OR2V1: variants seen among roughly 807,000 people sequenced by gnomAD.
The protein encoded by OR2V1 is olfactory receptor 2V1.
A neutral mutation model predicts 15.0 loss-of-function variants in OR2V1; 18 were observed. The observed-to-expected ratio is 1.20, with a 90% confidence interval of 0.83 to 1.78. OR2V1 has a LOEUF of 1.78. OR2V1 is among the 40% of genes most tolerant of loss of function. The pLI is 0.00. For missense variants in OR2V1, 359 were observed against 392.9 expected (o/e 0.91, Z 0.73); for synonymous variants, 144 against 146.1 (o/e 0.99, Z 0.10).
chr5:181,126,882 C>T (rs1177571808), intron 3 of OR2V1, among the ~76,000 whole-genome samples: 2 of 152,240 alleles, frequency 1.3e-5, no homozygotes, highest in East Asian at 1.9e-4. Context: ...CTCCCTTGCT[C>T]GCAGAGCTTC....
chr5:181,124,781 A>G lies in OR2V1; in HGVS notation c.524T>C (p.Val175Ala), dbSNP rs147120016. The change falls in exon 4 of 4, where the codon GTG becomes GCG. Residue 175 changes from valine to alanine, a missense_variant. Physicochemically the swap from Val to Ala is moderately conservative, Grantham distance 64 (BLOSUM62 0). Transcript: ENST00000641551. Reference sequence around the variant, plus strand: ...TTGTACCTCACAGAAAAAGTGATCCACGCTCCTTGAGCCACAGTAAGGTAA... The same window carrying G: ...TTGTACCTCACAGAAAAAGTGATCCGCGCTCCTTGAGCCACAGTAAGGTAA... ...MGLPYCGSRSVDHFFCEVQAL... is the reference protein window; with the variant it reads ...MGLPYCGSRSADHFFCEVQAL... 960 of 1,597,642 alleles carry G rather than the reference A, an allele frequency of 6.0e-4. 16 individuals are homozygous for G. The East Asian group carries it at 0.02, about 34-fold the overall frequency.
chr5:181,130,616 A>C (rs1038362504), intron 1 of OR2V1: 1 of 187,292 alleles, frequency 5.3e-6, no homozygotes, highest in Non-Finnish European at 1.1e-5. Flanking sequence ...AGCTGACTTC[A>C]GACCTCAGCT....
intron 3 of OR2V1, among the ~76,000 whole-genome samples, chr5:181,129,182 T>C (rs1414032572): frequency 2.0e-5 from 3 of 152,146 alleles, no homozygotes; most frequent in African/African-American, 7.2e-5. Context: ...CAGTGATCTA[T>C]GTTCACGCCA....
chr5:181,128,056 A>G (rs900318167), intron 3 of OR2V1, among the ~76,000 whole-genome samples: 1 of 151,792 alleles, frequency 6.6e-6, no homozygotes, highest in Non-Finnish European at 1.5e-5. Context: ...GGCTTGTTCC[A>G]CCCGAAGTGG....
intron 3 of OR2V1, among the ~76,000 whole-genome samples, chr5:181,127,422 G>C (rs1487698571): frequency 6.6e-6 from 1 of 152,204 alleles, no homozygotes; most frequent in East Asian, 1.9e-4. Flanking sequence ...TGCTTACAAA[G>C]ACGAGGACCT....
Position 181,123,480 on chromosome 5 carries a change from T to C in OR2V1, c.*877A>G. ...TCGAAGCAGGGAGGGGGCTTCCAGG[T>C]CACAGGTAGGTGAGAGACAAATGGT... On this transcript the variant is annotated 3_prime_UTR_variant, in exon 4 of 4. Transcript: ENST00000641551. 6.2e-6 allele frequency: 1 copy of C among 160,752 alleles called. No homozygotes were observed. Among genetic ancestry groups the C allele is most frequent in the Non-Finnish European group, 1.4e-5 (1 of 73,740 alleles). 10.0% of individuals were successfully genotyped at this position (160,752 alleles called of 1,614,324 possible).
intron 3 of OR2V1, among the ~76,000 whole-genome samples, chr5:181,126,455 CACAGAG>C (rs1561623460): frequency 2.7e-5 from 4 of 147,708 alleles, no homozygotes; most frequent in African/African-American, 1.0e-4. Context: ...CACACACACA[CACAGAG>C]ACACACAGAC....
intron 3 of OR2V1, among the ~76,000 whole-genome samples, chr5:181,126,463 C>T (rs1255304846): frequency 6.6e-6 from 1 of 150,404 alleles, no homozygotes; most frequent in African/African-American, 2.5e-5. Context: ...CACACAGAGA[C>T]ACACAGACAG....
At position 181,123,664 on chromosome 5, in the gene OR2V1, C is replaced by T. The variant is rs1421100156; in HGVS notation, c.*693G>A. ...CCCTTTATCCTCGTGATTTTGGGGG[C>T]CCAAGATATCCTCCTTTCATAACAC... On this transcript the variant is annotated 3_prime_UTR_variant, in exon 4 of 4. Coordinates refer to ENST00000641551, the MANE Select transcript of OR2V1 (RefSeq NM_001258283.2). 1 of 152,162 alleles carries T rather than the reference C, an allele frequency of 6.6e-6. No homozygotes were observed. The highest frequency in any genetic ancestry group is 1.5e-5 in the Non-Finnish European group (1 of 68,046). 9.4% of individuals were successfully genotyped at this position (152,162 alleles called of 1,614,324 possible).
Position 181,124,124 on chromosome 5 carries a change from T to C in OR2V1, c.*233A>G. On this transcript the variant is annotated 3_prime_UTR_variant, in exon 4 of 4. Transcript: ENST00000641551. ...CGTTGCTTCTTCATGGAGCTTTAGA[T>C]TGACACATTGTGATCTTTACAAAAT... The C allele has an allele frequency of 2.5e-6, 1 of 394,866 alleles. No individual in the cohort carries two copies. 24.5% of individuals were successfully genotyped at this position (394,866 alleles called of 1,614,324 possible).
intron 3 of OR2V1, 33 bp from the exon 4 acceptor site, chr5:181,125,358 G>T: frequency 6.7e-7 from 1 of 1,503,000 alleles, no homozygotes; most frequent in Admixed American, 1.8e-5. Context: ...AAGATTGAGT[G>T]ACATGTCTCT....
intron 3 of OR2V1, 103 bp downstream of exon 3, chr5:181,129,417 A>G (rs1762930590): frequency 6.6e-6 from 1 of 151,976 alleles, no homozygotes; most frequent in African/African-American, 2.4e-5. Flanking sequence ...GGGGGTTTCT[A>G]CAGGAGCAAA....
rs547948089 is a variant in OR2V1 at position 181,127,452 on chromosome 5, G to A, written c.-22+2068C>T. ...GGACCTGCTCCACACATGGGCGGCT[G>A]TTTATCTGTAAGGCCTCTGCGTGCA... On this transcript the variant is annotated intron_variant, in intron 3 of 3. Coordinates refer to ENST00000641551, the MANE Select transcript of OR2V1 (RefSeq NM_001258283.2). Among the ~76,000 whole-genome samples, 5 of 152,300 alleles carry A rather than the reference G, an allele frequency of 3.3e-5. No homozygotes were observed. In the East Asian group the frequency reaches 5.8e-4, roughly 18 times the overall value.
In OR2V1 at chr5:181,124,963, G is replaced by C; in HGVS notation, c.342C>G (p.Leu114=). The C allele has an allele frequency of 6.2e-7, 1 of 1,614,080 alleles. No homozygotes were observed. The highest frequency in any genetic ancestry group is 1.3e-5 in the African/African-American group (1 of 75,036). Residue 114 remains leucine, a synonymous_variant, in exon 4 of 4, where the codon CTC becomes CTG. Transcript: ENST00000641551. ...GGTCATAAGCCATGAGTCCCAGCAA[G>C]AGCCCCTCAGATCCCACAAGAGAGA... ...FFVSLVGSEG[L]LLGLMAYDRY...
In OR2V1 at chr5:181,124,372, A is replaced by G. The variant is rs745389829; in HGVS notation, c.933T>C (p.Ile311=). The change falls in exon 4 of 4, where the codon ATT becomes ATC. Residue 311 remains isoleucine (I), a synonymous_variant. Transcript: ENST00000641551. ...ACTCTGGGGTTCAGTGCTGGCTGCC[A>G]ATCCTGCAGCGGTCCAGCCCCTTCC... ...ALRKGLDRCR[I]GSQH The G allele has an allele frequency of 8.9e-6, 14 of 1,580,726 alleles. No homozygotes were observed. The highest frequency in any genetic ancestry group is 5.5e-5 in the Admixed American group (3 of 54,912).
rs761677562 is a variant in OR2V1 at position 181,124,634 on chromosome 5, C to G, written c.671G>C (p.Gly224Ala). ...IIMASYACILGAVLRIRSAQA... is the reference protein window; with the variant it reads ...IIMASYACILAAVLRIRSAQA... Reference sequence around the variant, plus strand: ...AGCAGAGCGTATTCGGAGCACAGCCCCTAGGATGCAAGCATAGGAGGCCAT... The same window carrying G: ...AGCAGAGCGTATTCGGAGCACAGCCGCTAGGATGCAAGCATAGGAGGCCAT... The change falls in exon 4 of 4, where the codon GGG (glycine) becomes GCG (alanine). Residue 224 changes from glycine to alanine, a missense_variant. Physicochemically the swap from Gly to Ala is moderately conservative, Grantham distance 60. Transcript: ENST00000641551. 1 of 1,613,662 alleles carries G rather than the reference C, an allele frequency of 6.2e-7. No homozygotes were observed.
chr5:181,130,280 G>A (rs994198039), intron 1 of OR2V1, 65 bp from the exon 2 acceptor site: 195 of 398,906 alleles, frequency 4.9e-4, no homozygotes, highest in Middle Eastern at 6.3e-4. Flanking sequence ...CCACTGGGTC[G>A]GGGGACAGGA....
In OR2V1 at chr5:181,123,471, G is replaced by A; in HGVS notation, c.*886C>T. On this transcript the variant is annotated 3_prime_UTR_variant, in exon 4 of 4. Transcript: ENST00000641551. ...GGGGACAGCTCGAAGCAGGGAGGGG[G>A]CTTCCAGGTCACAGGTAGGTGAGAG... The A allele has an allele frequency of 6.2e-6, 1 of 160,712 alleles. No individual in the cohort carries two copies. 10.0% of individuals were successfully genotyped at this position (160,712 alleles called of 1,614,324 possible).
At chr5:181,127,560 C>T (rs926373327) in intron 3 of OR2V1, among the ~76,000 whole-genome samples, 8 of 152,096 alleles carry the variant, frequency 5.3e-5, no homozygotes, top group Middle Eastern at 3.2e-3. Flanking sequence ...GCCAGGACCC[C>T]GGGGAATTTC....
Sources: gnomAD v4.1 joint callset for allele counts (sites outside exome capture counted in the v4.1 genomes callset) on GRCh38, gnomAD v4.1.1 for gene constraint, MANE v1.5 for transcripts, NCBI Gene and HGNC (gene_info 2026-07-23, HGNC 2026-07-21) for gene names.